DST: variants seen among roughly 807,000 people sequenced by gnomAD.
DST encodes bullous pemphigoid antigen.
Under a neutral mutation model 875.2 loss-of-function variants are expected in DST, and 253 were observed. The observed-to-expected ratio is 0.29, with a 90% CI of 0.26 to 0.32. The LOEUF (loss-of-function observed/expected upper bound fraction) is 0.32, where lower values mean the gene tolerates loss of function less well. DST is among the 10% of genes least tolerant of loss of function. The pLI, the probability that DST is intolerant of heterozygous loss-of-function variation, is 1.00. For missense variants in DST, 8,287 were observed against 9,111.6 expected, an observed-to-expected ratio of 0.91 and a Z score of 3.68; for synonymous variants, 3,124 against 3,197.1, an observed-to-expected ratio of 0.98 and a Z score of 0.77.
chr6:56,730,472 G>C (rs1328026547), intron 5 of DST, among the ~76,000 whole-genome samples: 1 of 152,080 alleles, frequency 6.6e-6, no homozygotes, highest in Non-Finnish European at 1.5e-5. Flanking sequence ...AATTGCACAT[G>C]ATGAGTAACA....
At chr6:56,826,296 T>C (rs2153054816) in intron 4 of DST, among the ~76,000 whole-genome samples, 1 of 152,362 alleles carries the variant, frequency 6.6e-6, no homozygotes, top group East Asian at 1.9e-4. Flanking sequence ...ATACCCACAA[T>C]GTTGCTTATA....
chr6:56,624,562 C>T lies in DST; in HGVS notation c.4897G>A (p.Gly1633Ser). ...TLMTQYIKFA[G>S]DSLKRLEEEE... Reference sequence around the variant, plus strand: ...TCTTCCAGCCTCTTCAATGAATCACCAGCAAATTTAATATATTGTGTCATG... The same window carrying T: ...TCTTCCAGCCTCTTCAATGAATCACTAGCAAATTTAATATATTGTGTCATG... Residue 1633 changes from glycine (G) to serine (S), a missense_variant, in exon 36 of 104, where the codon GGT becomes AGT. By Grantham distance (56) the Gly-to-Ser change is moderately conservative. This residue lies in a region of DST where 3,138 missense variants were observed against 3,116.6 expected (regional missense o/e 1.01). Transcript: ENST00000680361. The T allele has an allele frequency of 1.2e-6, 2 of 1,613,280 alleles. No homozygotes were observed. Among genetic ancestry groups the T allele is most frequent in the Non-Finnish European group, 1.7e-6 (2 of 1,179,580 alleles).
At chr6:56,599,346 T>C (rs1446611884) in intron 45 of DST, among the ~76,000 whole-genome samples, 1 of 152,100 alleles carries the variant, frequency 6.6e-6, no homozygotes, top group Non-Finnish European at 1.5e-5. Context: ...ATTTTTTCCA[T>C]ACTTTATTTT....
chr6:56,676,130 A>G (rs951460263), intron 9 of DST, among the ~76,000 whole-genome samples: 2 of 152,042 alleles, frequency 1.3e-5, no homozygotes, highest in Admixed American at 1.3e-4. Flanking sequence ...GCAGTGGGGC[A>G]ATCTCAGCTC....
Position 56,692,685 on chromosome 6 carries a change from C to G in DST, c.1047+6968G>C, listed in dbSNP as rs578042825. On this transcript the variant is annotated intron_variant, in intron 9 of 103. Coordinates refer to ENST00000680361, the MANE Select transcript of DST (RefSeq NM_001374736.1). Reference sequence around the variant, plus strand: ...TGACATCATCTAAATGTTTCTTCCTCTTTGCGCAATATGGAGTGCTGTCTT... The same window carrying G: ...TGACATCATCTAAATGTTTCTTCCTGTTTGCGCAATATGGAGTGCTGTCTT... 14 of 1,289,800 alleles carry G rather than the reference C, an allele frequency of 1.1e-5. No individual in the cohort carries two copies. In the African/African-American group the frequency reaches 2.1e-4, roughly 20 times the overall value. The allele number at this position is 1,289,800 out of a possible 1,614,324, so 79.9% of individuals were successfully genotyped here.
At chr6:56,791,332 T>C (rs917630738) in intron 4 of DST, among the ~76,000 whole-genome samples, 2 of 152,174 alleles carry the variant, frequency 1.3e-5, no homozygotes, top group African/African-American at 4.8e-5. Flanking sequence ...CTGTATTGTG[T>C]ATATTGTAGG....
intron 47 of DST, among the ~76,000 whole-genome samples, chr6:56,596,007 T>TATTTATTTA (rs773304161): frequency 0.25 from 36,674 of 145,702 alleles, 5,502 homozygotes; most frequent in Admixed American, 0.34. Flanking sequence ...ACTTTCTTTC[T>TATTTATTTA]TTTATTTATT....
intron 9 of DST, among the ~76,000 whole-genome samples, chr6:56,678,068 T>A (rs1020436386): frequency 9.9e-5 from 15 of 152,166 alleles, no homozygotes; most frequent in African/African-American, 3.1e-4. Context: ...TACCTGTAAG[T>A]ACAAAAAAAA....
intron 12 of DST, among the ~76,000 whole-genome samples, chr6:56,649,197 C>G (rs141588414): frequency 1.3e-5 from 2 of 152,276 alleles, no homozygotes; most frequent in Admixed American, 1.3e-4. Flanking sequence ...TATCCAAGTA[C>G]TCAGTAGGCA....
rs372195562 is a variant in DST at position 56,557,570 on chromosome 6, A to T, written c.14441-52T>A. The T allele has an allele frequency of 6.5e-6, 9 of 1,379,164 alleles. No individual in the cohort carries two copies. The African/African-American group carries it at 8.6e-5, about 13-fold the overall frequency. The allele number at this position is 1,379,164 out of a possible 1,614,324, so 85.4% of individuals were successfully genotyped here. On this transcript the variant is annotated intron_variant, in intron 58 of 103. Coordinates refer to ENST00000680361, the MANE Select transcript of DST (RefSeq NM_001374736.1). ...TTTGACATTTTTTGCATTTAACATG[A>T]CTATGTCTATGAGGACTGTATGGTA...
intron 2 of DST, among the ~76,000 whole-genome samples, chr6:56,947,160 T>G (rs1819952540): frequency 6.6e-6 from 1 of 152,070 alleles, no homozygotes; most frequent in South Asian, 2.1e-4. Flanking sequence ...GCCATAACTC[T>G]TTGTTCTCCC....
chr6:56,591,782 A>G (rs4712135), intron 49 of DST, among the ~76,000 whole-genome samples: 73,170 of 151,496 alleles, frequency 0.48, 18,081 homozygotes, highest in African/African-American at 0.57. Context: ...AGACCAGCCC[A>G]GCCAACATGG....
chr6:56,512,019 T>C (rs995541562), intron 72 of DST, among the ~76,000 whole-genome samples: 4 of 152,136 alleles, frequency 2.6e-5, no homozygotes, highest in Non-Finnish European at 5.9e-5. Flanking sequence ...TGAATGAACA[T>C]GTATTACATT....
intron 3 of DST, among the ~76,000 whole-genome samples, chr6:56,878,244 T>C (rs1015852711): frequency 6.6e-6 from 1 of 151,492 alleles, no homozygotes; most frequent in Non-Finnish European, 1.5e-5. Context: ...AGAAGAGAGG[T>C]TGGTGTGCAT....
Position 56,755,422 on chromosome 6 carries a change from C to G in DST, c.626-20133G>C, listed in dbSNP as rs558766507. 5.3e-5 allele frequency among the ~76,000 whole-genome samples: 8 copies of G among 152,302 alleles called. 1 individual carries two copies. Among genetic ancestry groups the G allele is most frequent in the African/African-American group, 1.7e-4 (7 of 41,560 alleles). ...GGAAACTAGTATTAATAAAATCACA[C>G]TGCATTGGCAGAATACTTTCATGTA... On this transcript the variant is annotated intron_variant, in intron 4 of 103. Coordinates refer to ENST00000680361, the MANE Select transcript of DST (RefSeq NM_001374736.1).
intron 9 of DST, among the ~76,000 whole-genome samples, chr6:56,686,404 T>C (rs1036488819): frequency 2.0e-5 from 3 of 152,350 alleles, no homozygotes; most frequent in South Asian, 4.1e-4. Flanking sequence ...TATACCCATG[T>C]AGCAAACCTG....
intron 48 of DST, among the ~76,000 whole-genome samples, chr6:56,593,001 G>A (rs1166905662): frequency 2.0e-5 from 3 of 151,982 alleles, no homozygotes; most frequent in African/African-American, 4.8e-5. Context: ...CACCTGCAGT[G>A]TTTGTGAAGA....
Position 56,594,145 on chromosome 6 carries a change from T to C in DST, c.12244A>G (p.Thr4082Ala), listed in dbSNP as rs372663471. The change falls in exon 48 of 104, where the codon ACT (threonine) becomes GCT (alanine). Residue 4082 changes from threonine (T) to alanine (A), a missense_variant. Thr to Ala is a moderately conservative substitution (Grantham distance 58). Coordinates refer to ENST00000680361, the MANE Select transcript of DST (RefSeq NM_001374736.1). ...TCAAGCAACACTTGTGCAGACTGAG[T>C]GGCTATGATCACTGCTTGGTGCTGA... ...ISQHQAVIIA[T>A]QSAQVLLEKQ... The C allele has an allele frequency of 3.0e-5, 47 of 1,582,414 alleles. No homozygotes were observed. The highest frequency in any genetic ancestry group is 1.1e-4 in the African/African-American group (8 of 73,508).
At chr6:56,933,402 T>C (rs1811294317) in intron 2 of DST, among the ~76,000 whole-genome samples, 1 of 152,208 alleles carries the variant, frequency 6.6e-6, no homozygotes, top group African/African-American at 2.4e-5. Context: ...GGAGATCAGG[T>C]CTTTCAGCAT....
Sources: allele counts gnomAD v4.1 joint callset (sites outside exome capture counted in the v4.1 genomes callset), GRCh38; gene constraint gnomAD v4.1.1; regional missense constraint gnomAD v4.1.1; transcripts MANE v1.5; gene names NCBI Gene and HGNC (gene_info 2026-07-23, HGNC 2026-07-21).